Variants in SLC35F1 observed in about 807,000 individuals in gnomAD.
The protein encoded by SLC35F1 is solute carrier family 35 member F1, also known as chromosome 6 open reading frame 169.
Under a neutral mutation model 48.7 loss-of-function variants are expected in SLC35F1, and 14 were observed. That is an observed-to-expected ratio of 0.29 (90% CI 0.19 to 0.45). The LOEUF (loss-of-function observed/expected upper bound fraction) is 0.45, where lower values mean the gene tolerates loss of function less well. SLC35F1 is among the 20% of genes least tolerant of loss of function. The pLI, the probability that SLC35F1 is intolerant of heterozygous loss-of-function variation, is 1.00. For missense variants in SLC35F1, 404 were observed against 500.0 expected, an observed-to-expected ratio of 0.81 and a Z score of 1.83; for synonymous variants, 190 against 202.2, an observed-to-expected ratio of 0.94 and a Z score of 0.51.
intron 2 of SLC35F1, among the ~76,000 whole-genome samples, chr6:118,230,940 G>A (rs942868734): frequency 6.6e-6 from 1 of 152,136 alleles, no homozygotes; most frequent in African/African-American, 2.4e-5. Context: ...CAGTCTGGGA[G>A]ACAGAGAGAG....
intron 1 of SLC35F1, among the ~76,000 whole-genome samples, chr6:118,070,548 T>G (rs1378386501): frequency 1.3e-5 from 2 of 152,088 alleles, no homozygotes; most frequent in Non-Finnish European, 2.9e-5. Context: ...AATTGAATAC[T>G]ATCAAATTTT....
chr6:118,290,949 C>T (rs1024682441), intron 7 of SLC35F1, among the ~76,000 whole-genome samples: 1 of 152,070 alleles, frequency 6.6e-6, no homozygotes. Context: ...CACTCGCCAC[C>T]ATGCCCGGCT....
chr6:118,047,540 C>T (rs1327826635), intron 1 of SLC35F1, among the ~76,000 whole-genome samples: 3 of 152,144 alleles, frequency 2.0e-5, no homozygotes, highest in Admixed American at 2.0e-4. Context: ...TAAAACATTT[C>T]TTCCAAGGCT....
intron 1 of SLC35F1, among the ~76,000 whole-genome samples, chr6:117,970,943 C>G (rs1776629907): frequency 6.6e-6 from 1 of 152,184 alleles, no homozygotes; most frequent in Non-Finnish European, 1.5e-5. Flanking sequence ...CCTCCCAAAT[C>G]TCATGTCCTC....
At chr6:118,073,437 A>G (rs1478083434) in intron 1 of SLC35F1, among the ~76,000 whole-genome samples, 6 of 152,230 alleles carry the variant, frequency 3.9e-5, no homozygotes, top group Non-Finnish European at 8.8e-5. Context: ...ATGAAATGGA[A>G]TAATACTTGC....
chr6:117,988,045 A>G (rs996377592), intron 1 of SLC35F1, among the ~76,000 whole-genome samples: 29 of 152,026 alleles, frequency 1.9e-4, no homozygotes, highest in African/African-American at 6.8e-4. Context: ...GAAAACCTAC[A>G]TCACTCCAAA....
chr6:118,108,205 G>A (rs768860210), intron 1 of SLC35F1, among the ~76,000 whole-genome samples: 5 of 152,250 alleles, frequency 3.3e-5, no homozygotes, highest in Admixed American at 1.3e-4. Flanking sequence ...GTTGTTTTGC[G>A]AGGCTGGTCC....
chr6:118,125,987 G>A (rs1773618448), intron 1 of SLC35F1, among the ~76,000 whole-genome samples: 1 of 152,100 alleles, frequency 6.6e-6, no homozygotes, highest in Non-Finnish European at 1.5e-5. Context: ...GCTAGCGTTT[G>A]GCCATGGAAA....
chr6:118,000,862 G>T (rs750210240), intron 1 of SLC35F1, among the ~76,000 whole-genome samples: 5 of 152,086 alleles, frequency 3.3e-5, no homozygotes, highest in Non-Finnish European at 7.4e-5. Flanking sequence ...GCTTCAAAGA[G>T]AATAAAATAC....
intron 1 of SLC35F1, among the ~76,000 whole-genome samples, chr6:118,126,996 G>T (rs926105673): frequency 6.6e-6 from 1 of 151,650 alleles, no homozygotes; most frequent in Non-Finnish European, 1.5e-5. Context: ...TAATTGCCCT[G>T]GCCAGAACTT....
At chr6:118,193,750 CTCTT>C (rs530855618) in intron 2 of SLC35F1, among the ~76,000 whole-genome samples, 1 of 152,232 alleles carries the variant, frequency 6.6e-6, no homozygotes, top group African/African-American at 2.4e-5. Context: ...TAGGGTCTGA[CTCTT>C]TCCAGCATAG....
At chr6:117,988,005 G>A (rs1297950238) in intron 1 of SLC35F1, among the ~76,000 whole-genome samples, 1 of 152,008 alleles carries the variant, frequency 6.6e-6, no homozygotes, top group African/African-American at 2.4e-5. Context: ...GGATGACCAG[G>A]CTTTCTAGCT....
At chr6:118,308,491 T>C (rs956307443) in intron 7 of SLC35F1, among the ~76,000 whole-genome samples, 5 of 152,206 alleles carry the variant, frequency 3.3e-5, no homozygotes, top group Non-Finnish European at 7.3e-5. Flanking sequence ...CTACATAACC[T>C]TGAGAATGGC....
At chr6:117,923,705 ATG>A (rs1775958739) in intron 1 of SLC35F1, among the ~76,000 whole-genome samples, 1 of 95,430 alleles carries the variant, frequency 1.0e-5, no homozygotes, top group Non-Finnish European at 2.0e-5. Flanking sequence ...ATATACATAT[ATG>A]TACATATATA....
intron 1 of SLC35F1, among the ~76,000 whole-genome samples, chr6:118,014,311 C>T (rs758549051): frequency 2.6e-5 from 4 of 152,136 alleles, no homozygotes; most frequent in Non-Finnish European, 4.4e-5. Context: ...AGGTTGTTCT[C>T]TTCATGGGTT....
intron 1 of SLC35F1, among the ~76,000 whole-genome samples, chr6:117,947,439 A>AT (rs1444472082): frequency 1.3e-5 from 2 of 152,092 alleles, no homozygotes; most frequent in Non-Finnish European, 2.9e-5. Context: ...CATTTGGGGG[A>AT]TTTTTTAGCA....
intron 3 of SLC35F1, among the ~76,000 whole-genome samples, chr6:118,237,492 G>A (rs545508379): frequency 1.5e-4 from 23 of 152,236 alleles, no homozygotes; most frequent in African/African-American, 5.1e-4. Context: ...GGGCTAAAGC[G>A]ATCCTCTGGC....
chr6:118,292,552 C>A (rs764372050), intron 7 of SLC35F1, among the ~76,000 whole-genome samples: 1 of 152,152 alleles, frequency 6.6e-6, no homozygotes, highest in African/African-American at 2.4e-5. Context: ...ATGATGATGT[C>A]TTTGAGCAGC....
intron 1 of SLC35F1, among the ~76,000 whole-genome samples, chr6:118,070,142 CA>C (rs61496169): frequency 8.9e-4 from 70 of 78,692 alleles, no homozygotes; most frequent in African/African-American, 3.5e-3. Flanking sequence ...GACTCCGTCT[CA>C]AAAAAAAAAA....
Sources: gnomAD v4.1 joint callset for allele counts (sites outside exome capture counted in the v4.1 genomes callset) on GRCh38, gnomAD v4.1.1 for gene constraint, MANE v1.5 for transcripts, NCBI Gene and HGNC (gene_info 2026-07-23, HGNC 2026-07-21) for gene names.